Variants in RPL37 observed in about 807,000 individuals in gnomAD.
RPL37 encodes ribosomal protein L37.
A neutral mutation model predicts 14.8 loss-of-function variants in RPL37; 1 was observed. The ratio of observed to expected loss-of-function variants is 0.07; its 90% CI spans 0.02 to 0.32. RPL37 has a LOEUF of 0.32. RPL37 is among the 10% of genes least tolerant of loss of function. RPL37 has a pLI of 1.00. For synonymous variants in RPL37, 53 were observed against 45.8 expected, an observed-to-expected ratio of 1.16 and a Z score of -0.63; for missense variants, 100 against 128.3, an observed-to-expected ratio of 0.78 and a Z score of 1.06.
At chr5:40,832,639 T>C in intron 3 of RPL37, 66 bp from the exon 4 acceptor site, 1 of 1,201,842 alleles carries the variant, frequency 8.3e-7, no homozygotes, top group Non-Finnish European at 1.2e-6. Flanking sequence ...TTAATTTTTG[T>C]TAAACAGATT....
intron 3 of RPL37, 160 bp from the exon 4 acceptor site, chr5:40,832,733 G>C (rs748495578): frequency 1.3e-6 from 1 of 753,992 alleles, no homozygotes; most frequent in East Asian, 2.5e-5. Context: ...TCACTGATAA[G>C]CTGAAATTCT....
chr5:40,826,595 A>G lies in RPL37; in HGVS notation c.*5909T>C, dbSNP rs1001797345. The stretch of plus-strand genomic sequence containing the variant: ...GCTTTGAAATGTGTTTCGTACAACC[A>G]TTTAGCTGGGGAGCCCAGAGAGGGC... On this transcript the variant is annotated 3_prime_UTR_variant, in exon 4 of 4. Coordinates refer to ENST00000274242, the MANE Select transcript of RPL37 (RefSeq NM_000997.5). The G allele has an allele frequency of 4.6e-5, 7 of 152,178 alleles. No individual in the cohort carries two copies. The highest frequency in any genetic ancestry group is 1.7e-4 in the African/African-American group (7 of 41,446). 9.4% of individuals were successfully genotyped at this position (152,178 alleles called of 1,614,324 possible).
At chr5:40,834,118 A>C (rs1205230462) in intron 3 of RPL37, 63 bp downstream of exon 3, 1 of 1,128,576 alleles carries the variant, frequency 8.9e-7, no homozygotes, top group South Asian at 1.2e-5. Flanking sequence ...TCTTTTTACA[A>C]GTAAACACGA....
At chr5:40,835,016 C>G in intron 1 of RPL37, 167 bp downstream of exon 1, 2 of 853,924 alleles carry the variant, frequency 2.3e-6, no homozygotes, top group Non-Finnish European at 3.7e-6. Context: ...GTCCCCCAGG[C>G]ACCAGTTAGC....
intron 2 of RPL37, 59 bp from the exon 3 acceptor site, chr5:40,834,324 T>C (rs1470853990): frequency 2.7e-5 from 42 of 1,571,894 alleles, no homozygotes; most frequent in East Asian, 6.7e-5. Context: ...CTTGTAGGTG[T>C]TGTTAACACA....
In RPL37 at chr5:40,832,474, C is replaced by T. The variant is rs778717905; in HGVS notation, c.*30G>A. ...AGATATGTATTTTTTAAAACCAGAA[C>T]ATTTATTGCATGACTAATCGTTGAC... On this transcript the variant is annotated 3_prime_UTR_variant, in exon 4 of 4. Transcript: ENST00000274242. 1.8e-5 allele frequency: 28 copies of T among 1,588,746 alleles called. No individual in the cohort carries two copies. Among genetic ancestry groups the T allele is most frequent in the Non-Finnish European group, 2.3e-5 (27 of 1,158,252 alleles).
At position 40,827,475 on chromosome 5, in the gene RPL37, G is replaced by A. The variant is rs1270291796; in HGVS notation, c.*5029C>T. 6.6e-6 allele frequency: 1 copy of A among 152,162 alleles called. No individual in the cohort carries two copies. The highest frequency in any genetic ancestry group is 1.5e-5 in the Non-Finnish European group (1 of 68,016). The allele number at this position is 152,162 out of a possible 1,614,324, so 9.4% of individuals were successfully genotyped here. A position where few individuals can be genotyped will look rare whatever the true frequency, so the allele number is the denominator to read the frequency against. ...TAAAACTGTTTTCGCAACTAATCAT[G>A]ATGAAAATACTTTTTGTTATCTGTG... On this transcript the variant is annotated 3_prime_UTR_variant, in exon 4 of 4. Coordinates refer to ENST00000274242, the MANE Select transcript of RPL37 (RefSeq NM_000997.5).
intron 1 of RPL37, 125 bp downstream of exon 1, chr5:40,835,058 A>C: frequency 1.5e-6 from 2 of 1,335,606 alleles, no homozygotes; most frequent in Admixed American, 1.8e-5. Flanking sequence ...GGGCCACCGC[A>C]TGCCTCTTTC....
In RPL37 at chr5:40,826,174, G is replaced by T. The variant is rs1004154295; in HGVS notation, c.*6330C>A. 1.3e-5 allele frequency: 2 copies of T among 152,042 alleles called. No homozygotes were observed. Among genetic ancestry groups the T allele is most frequent in the African/African-American group, 4.8e-5 (2 of 41,402 alleles). 9.4% of individuals were successfully genotyped at this position (152,042 alleles called of 1,614,324 possible). A position where few individuals can be genotyped will look rare whatever the true frequency, so the allele number is the denominator to read the frequency against. The stretch of plus-strand genomic sequence containing the variant: ...TTCAAATAATTTTAATCATTTTTAA[G>T]GCAAAGAAAATACTTTTTACATTTG... On this transcript the variant is annotated 3_prime_UTR_variant, in exon 4 of 4. Transcript: ENST00000274242.
intron 3 of RPL37, 52 bp from the exon 4 acceptor site, chr5:40,832,625 C>T (rs1250300733): frequency 7.1e-7 from 1 of 1,400,066 alleles, no homozygotes; most frequent in East Asian, 2.3e-5. Flanking sequence ...TCGATGCATA[C>T]ATTTTAATTT....
At chr5:40,835,101 C>T in intron 1 of RPL37, 82 bp downstream of exon 1, 2 of 1,592,446 alleles carry the variant, frequency 1.3e-6, no homozygotes, top group Non-Finnish European at 1.7e-6. Context: ...CGGAATCTTG[C>T]CAGCCCCCCA....
At position 40,828,343 on chromosome 5, in the gene RPL37, C is replaced by A. The variant is rs932171113; in HGVS notation, c.*4161G>T. 3 of 152,206 alleles carry A rather than the reference C, an allele frequency of 2.0e-5. No homozygotes were observed. Among genetic ancestry groups the A allele is most frequent in the African/African-American group, 7.2e-5 (3 of 41,450 alleles). 9.4% of individuals were successfully genotyped at this position (152,206 alleles called of 1,614,324 possible). A position where few individuals can be genotyped will look rare whatever the true frequency, so the allele number is the denominator to read the frequency against. Reference sequence around the variant, plus strand: ...TCCACAAACATACATACAGTATATACATGATTGAAATCTGTCAGGGCAGGG... The same window carrying A: ...TCCACAAACATACATACAGTATATAAATGATTGAAATCTGTCAGGGCAGGG... On this transcript the variant is annotated 3_prime_UTR_variant, in exon 4 of 4. Transcript: ENST00000274242.
Position 40,829,099 on chromosome 5 carries a change from T to C in RPL37, c.*3405A>G, listed in dbSNP as rs1745581680. 1 of 152,166 alleles carries C rather than the reference T, an allele frequency of 6.6e-6. No homozygotes were observed. Among genetic ancestry groups the C allele is most frequent in the East Asian group, 1.9e-4 (1 of 5,196 alleles). The allele number at this position is 152,166 out of a possible 1,614,324, so 9.4% of individuals were successfully genotyped here. A position where few individuals can be genotyped will look rare whatever the true frequency, so the allele number is the denominator to read the frequency against. ...TGCCTATCAAATCTCAGTGTTCTCATTTTCATGCTTAAATTATACAGAAAT... is the reference window on the plus strand; with the variant it reads ...TGCCTATCAAATCTCAGTGTTCTCACTTTCATGCTTAAATTATACAGAAAT... On this transcript the variant is annotated 3_prime_UTR_variant, in exon 4 of 4. Coordinates refer to ENST00000274242, the MANE Select transcript of RPL37 (RefSeq NM_000997.5).
chr5:40,832,343 C>T lies in RPL37; in HGVS notation c.*161G>A. 1 of 701,478 alleles carries T rather than the reference C, an allele frequency of 1.4e-6. No homozygotes were observed. The highest frequency in any genetic ancestry group is 2.6e-6 in the Non-Finnish European group (1 of 383,162). The allele number at this position is 701,478 out of a possible 1,614,324, so 43.5% of individuals were successfully genotyped here. ...CAGTCCAAAAGTAAACATTCCAAAA[C>T]AGTCACTTAACAAGTAAATCTGATA... On this transcript the variant is annotated 3_prime_UTR_variant, in exon 4 of 4. Transcript: ENST00000274242.
At position 40,826,492 on chromosome 5, in the gene RPL37, C is replaced by G. The variant is rs909586146; in HGVS notation, c.*6012G>C. 1 of 152,024 alleles carries G rather than the reference C, an allele frequency of 6.6e-6. No individual in the cohort carries two copies. Among genetic ancestry groups the G allele is most frequent in the African/African-American group, 2.4e-5 (1 of 41,422 alleles). The allele number at this position is 152,024 out of a possible 1,614,324, so 9.4% of individuals were successfully genotyped here. On this transcript the variant is annotated 3_prime_UTR_variant, in exon 4 of 4. Coordinates refer to ENST00000274242, the MANE Select transcript of RPL37 (RefSeq NM_000997.5). ...TTGGAGAATTGTTAAGTGCTCAATT[C>G]AGCCTTCTTGGACAAAGGAGTTACT...
At position 40,831,627 on chromosome 5, in the gene RPL37, TCTCA is replaced by T. The variant is rs1386424080; in HGVS notation, c.*873_*876del. On this transcript the variant is annotated 3_prime_UTR_variant, in exon 4 of 4. Transcript: ENST00000274242. ...ATGTTCCCTTCAACTGCCCCTGCCC[TCTCA>T]CTCAGCAGTCCAGTTGACTTTGTCC... The T allele has an allele frequency of 2.0e-5, 3 of 152,282 alleles. No individual in the cohort carries two copies. Among genetic ancestry groups the T allele is most frequent in the Non-Finnish European group, 2.9e-5 (2 of 68,028 alleles). The allele number at this position is 152,282 out of a possible 1,614,324, so 9.4% of individuals were successfully genotyped here. A position where few individuals can be genotyped will look rare whatever the true frequency, so the allele number is the denominator to read the frequency against.
Position 40,829,640 on chromosome 5 carries a change from C to T in RPL37, c.*2864G>A, listed in dbSNP as rs572455518. ...CTCCTTTCCAATGCTCTCACAGAAA[C>T]TCATGCATTTATCCATCATAGTGTG... On this transcript the variant is annotated 3_prime_UTR_variant, in exon 4 of 4. Coordinates refer to ENST00000274242, the MANE Select transcript of RPL37 (RefSeq NM_000997.5). 1 of 151,298 alleles carries T rather than the reference C, an allele frequency of 6.6e-6. No homozygotes were observed. Among genetic ancestry groups the T allele is most frequent in the African/African-American group, 2.4e-5 (1 of 41,182 alleles). 9.4% of individuals were successfully genotyped at this position (151,298 alleles called of 1,614,324 possible). A position where few individuals can be genotyped will look rare whatever the true frequency, so the allele number is the denominator to read the frequency against.
intron 2 of RPL37, 41 bp downstream of exon 2, chr5:40,834,429 CA>C: frequency 6.2e-7 from 1 of 1,601,818 alleles, no homozygotes; most frequent in Non-Finnish European, 8.5e-7. Flanking sequence ...AAGTGCAATA[CA>C]AACAAAAGCT....
Position 40,832,643 on chromosome 5 carries a change from ACAGATTT to A in RPL37, c.225-77_225-71del, listed in dbSNP as rs1399492240. ...ATGCATACATTTTAATTTTTGTTAA[ACAGATTT>A]CAATGCGCTTATCTCAGTTAAATGC... is the stretch of plus-strand genomic sequence containing the variant. On this transcript the variant is annotated intron_variant, in intron 3 of 3. Transcript: ENST00000274242. 5 of 1,163,156 alleles carry A rather than the reference ACAGATTT, an allele frequency of 4.3e-6. No homozygotes were observed. The Admixed American group carries it at 8.4e-5, about 20-fold the overall frequency. The allele number at this position is 1,163,156 out of a possible 1,614,324, so 72.1% of individuals were successfully genotyped here. A position where few individuals can be genotyped will look rare whatever the true frequency, so the allele number is the denominator to read the frequency against.
Sources: allele counts gnomAD v4.1 joint callset, GRCh38; gene constraint gnomAD v4.1.1; transcripts MANE v1.5; gene names NCBI Gene and HGNC (gene_info 2026-07-23, HGNC 2026-07-21).